The following CAMK1D variants were observed in gnomAD, a reference collection of about 807,000 sequenced individuals.
The protein encoded by CAMK1D is calcium/calmodulin dependent protein kinase ID.
A neutral mutation model predicts 47.7 loss-of-function variants in CAMK1D; 9 were observed. That is an observed-to-expected ratio of 0.19 (90% confidence interval 0.11 to 0.33). The LOEUF (loss-of-function observed/expected upper bound fraction) is 0.33. Ranked by LOEUF, CAMK1D falls within the 10% of genes least tolerant of loss-of-function variation. CAMK1D has a pLI of 1.00. For synonymous variants in CAMK1D, 184 were observed against 184.9 expected, an observed-to-expected ratio of 0.99 and a Z score of 0.04; for missense variants, 291 against 488.7, an observed-to-expected ratio of 0.60 and a Z score of 3.81.
At chr10:12,354,436 T>C (rs111804270) in intron 1 of CAMK1D, among the ~76,000 whole-genome samples, 3 of 151,616 alleles carry the variant, frequency 2.0e-5, no homozygotes, top group Admixed American at 6.6e-5. Flanking sequence ...CTTTTCTTTT[T>C]TTTTTTTTGA....
intron 2 of CAMK1D, among the ~76,000 whole-genome samples, chr10:12,566,100 T>C (rs1403408457): frequency 1.3e-5 from 2 of 152,174 alleles, no homozygotes; most frequent in Non-Finnish European, 2.9e-5. Flanking sequence ...ATAATGGGGA[T>C]GATAATAGTA....
In CAMK1D at chr10:12,694,443, AT is replaced by A. The variant is rs1234029390; in HGVS notation, c.299+27634del. On this transcript the variant is annotated intron_variant, in intron 3 of 10. Transcript: ENST00000619168. ...ATATATGTTATATATCATATATAAA[AT>A]ATGAAATATATATGTTATATATCAT... is the stretch of plus-strand genomic sequence containing the variant. Among the ~76,000 whole-genome samples, 130 of 82,660 alleles carry A rather than the reference AT, an allele frequency of 1.6e-3. 1 individual carries two copies. The Admixed American group carries it at 0.017, about 11-fold the overall frequency. 54.2% of individuals were successfully genotyped at this position (82,660 alleles called of 152,430 possible).
chr10:12,603,955 A>G (rs1838377837), intron 2 of CAMK1D, among the ~76,000 whole-genome samples: 1 of 152,150 alleles, frequency 6.6e-6, no homozygotes, highest in East Asian at 1.9e-4. Context: ...GCCTAAGCTG[A>G]GGAAGCCCTT....
intron 1 of CAMK1D, among the ~76,000 whole-genome samples, chr10:12,414,763 C>G (rs569312077): frequency 7.9e-5 from 12 of 152,106 alleles, no homozygotes; most frequent in Non-Finnish European, 1.6e-4. Context: ...TCATAGTGTC[C>G]TAGCTTTTTG....
rs181706874 is a variant in CAMK1D, at chr10:12,351,851, C to G, written c.92+1941C>G. Among the ~76,000 whole-genome samples the G allele has an allele frequency of 5.9e-5, 9 of 152,324 alleles. No individual in the cohort carries two copies. The East Asian group carries it at 1.7e-3, about 29-fold the overall frequency. On this transcript the variant is annotated intron_variant, in intron 1 of 10. Coordinates refer to ENST00000619168, the MANE Select transcript of CAMK1D (RefSeq NM_153498.4). The stretch of plus-strand genomic sequence containing the variant: ...CTCTCTTAGGGTCCTAAAGCATTGC[C>G]TTCTGCCTGGGATGGAATTCTTTGC...
At chr10:12,779,678 G>C (rs1378416721) in intron 5 of CAMK1D, among the ~76,000 whole-genome samples, 1 of 152,122 alleles carries the variant, frequency 6.6e-6, no homozygotes, top group African/African-American at 2.4e-5. Context: ...TGATCCTACT[G>C]CTTCATCCTC....
intron 1 of CAMK1D, among the ~76,000 whole-genome samples, chr10:12,485,967 C>T (rs1032064835): frequency 6.6e-6 from 1 of 152,130 alleles, no homozygotes; most frequent in African/African-American, 2.4e-5. Flanking sequence ...GATTTGAAGG[C>T]AGTTTCCTTC....
rs79418103 is a variant in CAMK1D at position 12,706,873 on chromosome 10, G to A, written c.299+40063G>A. On this transcript the variant is annotated intron_variant, in intron 3 of 10. Transcript: ENST00000619168. ...GGAACACAGAAGTAGGTGATAACTC[G>A]GCCCTTGGTCCATAGGAGGAAACAG... is the stretch of plus-strand genomic sequence containing the variant. Among the ~76,000 whole-genome samples the A allele has an allele frequency of 8.2e-3, 1,250 of 152,210 alleles. 21 individuals are homozygous for A. Among genetic ancestry groups the A allele is most frequent in the African/African-American group, 0.029 (1,185 of 41,520 alleles).
chr10:12,756,407 C>T (rs746655315), intron 3 of CAMK1D, among the ~76,000 whole-genome samples: 1 of 152,188 alleles, frequency 6.6e-6, no homozygotes, highest in Non-Finnish European at 1.5e-5. Context: ...TTGCAGTATA[C>T]CACTGTGTCG....
intron 1 of CAMK1D, among the ~76,000 whole-genome samples, chr10:12,435,966 G>A (rs182530435): frequency 5.0e-4 from 76 of 152,322 alleles, no homozygotes; most frequent in Non-Finnish European, 5.4e-4. Flanking sequence ...CTGTAGATGA[G>A]CAGAATGGGG....
chr10:12,358,425 C>T lies in CAMK1D; in HGVS notation c.92+8515C>T, dbSNP rs907262460. ...TTGCATGCCTGTAATCCCAGCTACT[C>T]GGGAGGCTGAGGCGTGAGAAACGCT... is the stretch of plus-strand genomic sequence containing the variant. On this transcript the variant is annotated intron_variant, in intron 1 of 10. Coordinates refer to ENST00000619168, the MANE Select transcript of CAMK1D (RefSeq NM_153498.4). Among the ~76,000 whole-genome samples the T allele has an allele frequency of 4.0e-5, 6 of 151,844 alleles. No individual in the cohort carries two copies. The East Asian group carries it at 5.8e-4, about 15-fold the overall frequency.
At chr10:12,386,078 A>G (rs1364252628) in intron 1 of CAMK1D, among the ~76,000 whole-genome samples, 1 of 152,142 alleles carries the variant, frequency 6.6e-6, no homozygotes, top group Non-Finnish European at 1.5e-5. Context: ...TGAATTTTGG[A>G]TTGTATCTCA....
At chr10:12,585,801 A>C (rs1242010163) in intron 2 of CAMK1D, among the ~76,000 whole-genome samples, 1 of 152,192 alleles carries the variant, frequency 6.6e-6, no homozygotes, top group Non-Finnish European at 1.5e-5. Flanking sequence ...GACACAGCCA[A>C]ACCACGTCAA....
At chr10:12,481,109 A>C (rs1358588736) in intron 1 of CAMK1D, among the ~76,000 whole-genome samples, 2 of 152,204 alleles carry the variant, frequency 1.3e-5, no homozygotes, top group African/African-American at 4.8e-5. Flanking sequence ...GAATTCTACT[A>C]AGACGTGGGC....
chr10:12,621,559 G>A (rs899317171), intron 2 of CAMK1D, among the ~76,000 whole-genome samples: 3 of 152,070 alleles, frequency 2.0e-5, no homozygotes, highest in African/African-American at 7.2e-5. Flanking sequence ...TGGTATAAAT[G>A]TTTGCTTAGA....
At chr10:12,444,137 G>A (rs746158495) in intron 1 of CAMK1D, among the ~76,000 whole-genome samples, 1 of 152,046 alleles carries the variant, frequency 6.6e-6, no homozygotes, top group African/African-American at 2.4e-5. Flanking sequence ...TTGGCCAGCC[G>A]GCTTCTTTAC....
intron 1 of CAMK1D, among the ~76,000 whole-genome samples, chr10:12,464,620 C>T (rs1351554845): frequency 6.6e-6 from 1 of 152,102 alleles, no homozygotes; most frequent in Admixed American, 6.5e-5. Context: ...TTGAGACCAT[C>T]CTGACTAACA....
At chr10:12,619,845 G>A (rs368690530) in intron 2 of CAMK1D, among the ~76,000 whole-genome samples, 8 of 152,074 alleles carry the variant, frequency 5.3e-5, no homozygotes, top group African/African-American at 1.9e-4. Context: ...CTTCCCTCCT[G>A]CATGATCTCA....
intron 8 of CAMK1D, among the ~76,000 whole-genome samples, chr10:12,820,266 C>T (rs532183272): frequency 1.3e-4 from 20 of 152,346 alleles, no homozygotes; most frequent in African/African-American, 3.6e-4. Context: ...TCTCGATCTC[C>T]TAACCTTGTG....
Sources: allele counts gnomAD v4.1 joint callset (sites outside exome capture counted in the v4.1 genomes callset), GRCh38; gene constraint gnomAD v4.1.1; transcripts MANE v1.5; gene names NCBI Gene and HGNC (gene_info 2026-07-23, HGNC 2026-07-21).